Variants in GPC5 observed in about 807,000 individuals in gnomAD.
GPC5 encodes the protein glypican-5.
Under a neutral mutation model 53.9 loss-of-function variants are expected in GPC5, and 47 were observed. The ratio of observed to expected loss-of-function variants is 0.87; its 90% CI spans 0.69 to 1.11. The LOEUF (loss-of-function observed/expected upper bound fraction) is 1.11, where lower values mean the gene tolerates loss of function less well. Among genes scored for constraint, GPC5 ranks in the 50% most tolerant of loss-of-function variants. GPC5 has a pLI of 0.00. For synonymous variants in GPC5, 286 were observed against 263.3 expected, an observed-to-expected ratio of 1.09 and a Z score of -0.84; for missense variants, 748 against 713.1, an observed-to-expected ratio of 1.05 and a Z score of -0.56.
intron 5 of GPC5, among the ~76,000 whole-genome samples, chr13:91,837,832 G>C: frequency 6.6e-6 from 1 of 152,142 alleles, no homozygotes; most frequent in East Asian, 1.9e-4. Context: ...TGAATCTCAA[G>C]AGAGAAATGA....
intron 6 of GPC5, among the ~76,000 whole-genome samples, chr13:92,104,846 C>T (rs949733422): frequency 6.6e-6 from 1 of 152,082 alleles, no homozygotes; most frequent in Non-Finnish European, 1.5e-5. Context: ...ACAGGTATAA[C>T]ATGGCTTAGG....
rs1276646143 is a variant in GPC5 at position 92,751,302 on chromosome 13, TTAAAAAA to T, written c.1562-114979_1562-114973del. ...AAAACCTTTGGTCATCCAGAAACAT[TTAAAAAA>T]AAAAAAAAAAAAAAAAAAAAAAAAA... On this transcript the variant is annotated intron_variant, in intron 7 of 7. Transcript: ENST00000377067. Among the ~76,000 whole-genome samples the T allele has an allele frequency of 6.9e-3, 238 of 34,406 alleles. 4 individuals carry two copies. Among genetic ancestry groups the T allele is most frequent in the Middle Eastern group, 0.023 (1 of 44 alleles). The allele number at this position is 34,406 out of a possible 152,430, so 22.6% of individuals were successfully genotyped here.
At chr13:92,613,401 AT>A (rs1382563140) in intron 7 of GPC5, among the ~76,000 whole-genome samples, 69 of 85,292 alleles carry the variant, frequency 8.1e-4, no homozygotes, top group African/African-American at 3.6e-3. Flanking sequence ...ATAAATATAT[AT>A]TATATTATAT....
At chr13:92,033,036 C>CATGTGTGT (rs1491249102) in intron 6 of GPC5, among the ~76,000 whole-genome samples, 27 of 139,094 alleles carry the variant, frequency 1.9e-4, no homozygotes, top group African/African-American at 6.6e-4. Flanking sequence ...TAGTTATTGT[C>CATGTGTGT]GTGTGTGTGT....
chr13:92,515,370 G>A (rs1478607078), intron 7 of GPC5, among the ~76,000 whole-genome samples: 1 of 152,164 alleles, frequency 6.6e-6, no homozygotes. Context: ...GAAGACTGAA[G>A]ATGGTGTGGA....
At chr13:92,683,784 G>T (rs191757226) in intron 7 of GPC5, among the ~76,000 whole-genome samples, 1 of 152,166 alleles carries the variant, frequency 6.6e-6, no homozygotes, top group East Asian at 1.9e-4. Flanking sequence ...AAAAATTAGT[G>T]AAAATTAAAG....
chr13:92,274,250 C>T (rs1003917006), intron 7 of GPC5, among the ~76,000 whole-genome samples: 1 of 152,026 alleles, frequency 6.6e-6, no homozygotes, highest in Non-Finnish European at 1.5e-5. Context: ...CTTAATTTTT[C>T]ATCTTCTTTA....
At chr13:92,200,706 G>C (rs2139059866) in intron 7 of GPC5, among the ~76,000 whole-genome samples, 1 of 152,292 alleles carries the variant, frequency 6.6e-6, no homozygotes, top group South Asian at 2.1e-4. Context: ...GTTTCCAACT[G>C]GATTCGATTG....
At chr13:92,747,886 C>T (rs1454147838) in intron 7 of GPC5, among the ~76,000 whole-genome samples, 1 of 152,118 alleles carries the variant, frequency 6.6e-6, no homozygotes, top group Non-Finnish European at 1.5e-5. Flanking sequence ...GTAGCTCAAC[C>T]AAAATATATG....
intron 5 of GPC5, among the ~76,000 whole-genome samples, chr13:91,784,711 C>T (rs564763621): frequency 5.6e-4 from 71 of 126,306 alleles, no homozygotes; most frequent in Non-Finnish European, 8.6e-4. Flanking sequence ...GCAACAAGAG[C>T]GAAACTCCAT....
At chr13:92,619,785 AT>A (rs1366233961) in intron 7 of GPC5, among the ~76,000 whole-genome samples, 3 of 151,904 alleles carry the variant, frequency 2.0e-5, no homozygotes, top group South Asian at 2.1e-4. Flanking sequence ...AACAACAAGA[AT>A]TTTTTTTATT....
At chr13:91,914,914 A>G (rs1173950017) in intron 6 of GPC5, among the ~76,000 whole-genome samples, 1 of 152,216 alleles carries the variant, frequency 6.6e-6, no homozygotes, top group Non-Finnish European at 1.5e-5. Flanking sequence ...TTAATAGCCT[A>G]TGATAGACAT....
At chr13:91,487,125 A>T (rs1177403459) in intron 2 of GPC5, among the ~76,000 whole-genome samples, 3 of 152,182 alleles carry the variant, frequency 2.0e-5, no homozygotes, top group East Asian at 3.8e-4. Context: ...TGAACTGACA[A>T]AATGCAGATT....
intron 7 of GPC5, among the ~76,000 whole-genome samples, chr13:92,780,900 G>T: frequency 6.6e-6 from 1 of 152,028 alleles, no homozygotes; most frequent in East Asian, 1.9e-4. Context: ...ATTTTATCTT[G>T]ATATTCACAT....
At chr13:92,694,484 A>G (rs1222574326) in intron 7 of GPC5, among the ~76,000 whole-genome samples, 4 of 152,186 alleles carry the variant, frequency 2.6e-5, no homozygotes, top group South Asian at 2.1e-4. Context: ...GATGCAAGAC[A>G]TAGACTCAAA....
At chr13:92,784,562 T>A (rs929619943) in intron 7 of GPC5, among the ~76,000 whole-genome samples, 1 of 152,160 alleles carries the variant, frequency 6.6e-6, no homozygotes, top group South Asian at 2.1e-4. Flanking sequence ...CCATTGGTAA[T>A]CTTTCCATCA....
At chr13:91,767,766 A>C (rs2037552442) in intron 5 of GPC5, among the ~76,000 whole-genome samples, 1 of 152,202 alleles carries the variant, frequency 6.6e-6, no homozygotes, top group Admixed American at 6.5e-5. Flanking sequence ...TAAAAAGATA[A>C]AAGATAGCAA....
rs111309030 is a variant in GPC5 at position 92,829,353 on chromosome 13, T to C, written c.1562-36929T>C. On this transcript the variant is annotated intron_variant, in intron 7 of 7. Transcript: ENST00000377067. ...GTGACAAGTCAAATATCATAAAGTA[T>C]TATTTCCAATTAAGACATGTTTAAG... Among the ~76,000 whole-genome samples, 185 of 152,326 alleles carry C rather than the reference T, an allele frequency of 1.2e-3. 2 individuals carry two copies. The highest frequency in any genetic ancestry group is 1.8e-3 in the Non-Finnish European group (120 of 68,024).
At chr13:92,724,891 C>CAA (rs1888596857) in intron 7 of GPC5, among the ~76,000 whole-genome samples, 1 of 148,746 alleles carries the variant, frequency 6.7e-6, no homozygotes, top group East Asian at 2.0e-4. Flanking sequence ...CACACACACA[C>CAA]ACACACACAC....
Sources: allele counts gnomAD v4.1 joint callset (sites outside exome capture counted in the v4.1 genomes callset), GRCh38; gene constraint gnomAD v4.1.1; transcripts MANE v1.5; gene names NCBI Gene and HGNC (gene_info 2026-07-23, HGNC 2026-07-21).